TTC29: variants seen among roughly 807,000 people sequenced by gnomAD.
The protein encoded by TTC29 is tetratricopeptide repeat protein 29.
Under a neutral mutation model 58.1 loss-of-function variants are expected in TTC29, and 49 were observed. The observed-to-expected ratio is 0.84, with a 90% confidence interval of 0.67 to 1.07. TTC29 has a LOEUF of 1.07. Among genes scored for constraint, TTC29 ranks in the 50% least tolerant of loss-of-function variants. The pLI is 0.00. For synonymous variants in TTC29, 209 were observed against 196.8 expected, an observed-to-expected ratio of 1.06 and a Z score of -0.52; for missense variants, 582 against 555.6, an observed-to-expected ratio of 1.05 and a Z score of -0.48.
At chr4:146,890,089 A>G (rs1322309789) in intron 6 of TTC29, among the ~76,000 whole-genome samples, 3 of 152,206 alleles carry the variant, frequency 2.0e-5, no homozygotes, top group Non-Finnish European at 4.4e-5. Flanking sequence ...ATTGAATATT[A>G]TATTAGTTTC....
At chr4:146,929,594 G>C (rs1735170105) in intron 4 of TTC29, among the ~76,000 whole-genome samples, 1 of 152,142 alleles carries the variant, frequency 6.6e-6, no homozygotes, top group African/African-American at 2.4e-5. Context: ...CCTCCTTACA[G>C]TAAAATATGT....
chr4:146,744,235 A>AGT (rs972945504), intron 11 of TTC29, among the ~76,000 whole-genome samples: 1 of 152,066 alleles, frequency 6.6e-6, no homozygotes, highest in African/African-American at 2.4e-5. Flanking sequence ...TAAGAGAGAG[A>AGT]GAGAGGGAGA....
intron 8 of TTC29, among the ~76,000 whole-genome samples, chr4:146,854,398 G>A (rs1729706324): frequency 6.6e-6 from 1 of 152,152 alleles, no homozygotes; most frequent in Non-Finnish European, 1.5e-5. Flanking sequence ...CATTTGGGTT[G>A]CAATCAAAAA....
chr4:146,707,318 G>A, intron 12 of TTC29, 130 bp from the exon 13 acceptor site: 1 of 787,334 alleles, frequency 1.3e-6, no homozygotes, highest in Non-Finnish European at 2.0e-6. Flanking sequence ...TTAACCTTAT[G>A]TGACATTTGA....
chr4:146,800,925 A>G (rs1750171274), intron 11 of TTC29, among the ~76,000 whole-genome samples: 1 of 152,230 alleles, frequency 6.6e-6, no homozygotes, highest in Admixed American at 6.5e-5. Context: ...AGAGAAATGA[A>G]TGACATTCAA....
intron 11 of TTC29, among the ~76,000 whole-genome samples, chr4:146,716,870 C>T (rs561284500): frequency 2.6e-5 from 4 of 152,256 alleles, no homozygotes; most frequent in Non-Finnish European, 5.9e-5. Context: ...AAAACAATGA[C>T]AGTGAGAAAT....
At chr4:146,820,669 T>A (rs1353388739) in intron 9 of TTC29, among the ~76,000 whole-genome samples, 1 of 152,212 alleles carries the variant, frequency 6.6e-6, no homozygotes, top group African/African-American at 2.4e-5. Flanking sequence ...AATTGAAATG[T>A]ATATCAACTG....
In TTC29 at chr4:146,756,235, C is replaced by A. The variant is rs1270953528; in HGVS notation, c.1330+47222G>T. On this transcript the variant is annotated intron_variant, in intron 11 of 12. Transcript: ENST00000325106. Reference sequence around the variant, plus strand: ...TTGCAGTGAGCAGATTGTACCACTGCACTCCAGTCTGGGTGACAGAGCAAG... The same window carrying A: ...TTGCAGTGAGCAGATTGTACCACTGAACTCCAGTCTGGGTGACAGAGCAAG... Among the ~76,000 whole-genome samples, 3 of 146,454 alleles carry A rather than the reference C, an allele frequency of 2.0e-5. No homozygotes were observed. In the East Asian group the frequency reaches 6.1e-4, roughly 30 times the overall value.
chr4:146,849,725 C>T (rs1295083974), intron 8 of TTC29, among the ~76,000 whole-genome samples: 3 of 152,018 alleles, frequency 2.0e-5, no homozygotes, highest in African/African-American at 4.8e-5. Context: ...TATGATCCTA[C>T]TCCTTATCTC....
At chr4:146,753,484 T>G (rs938081167) in intron 11 of TTC29, among the ~76,000 whole-genome samples, 10 of 152,080 alleles carry the variant, frequency 6.6e-5, no homozygotes, top group African/African-American at 1.4e-4. Flanking sequence ...CATTGTGGAA[T>G]TCGGTGTGGC....
chr4:146,800,839 C>G (rs1337175452), intron 11 of TTC29, among the ~76,000 whole-genome samples: 1 of 152,032 alleles, frequency 6.6e-6, no homozygotes, highest in Non-Finnish European at 1.5e-5. Context: ...AGACTTTTAC[C>G]CTTAATCAGG....
chr4:146,883,326 G>T (rs890469501), intron 6 of TTC29, among the ~76,000 whole-genome samples: 4 of 151,982 alleles, frequency 2.6e-5, no homozygotes, highest in Non-Finnish European at 4.4e-5. Context: ...ACAATTGTTA[G>T]CACCTTGCTC....
intron 11 of TTC29, among the ~76,000 whole-genome samples, chr4:146,747,145 C>T (rs1282104857): frequency 1.3e-5 from 2 of 152,132 alleles, no homozygotes; most frequent in Non-Finnish European, 2.9e-5. Flanking sequence ...GAGACTCATG[C>T]AGTCCTCAAG....
At chr4:146,793,961 C>T (rs1749653533) in intron 11 of TTC29, among the ~76,000 whole-genome samples, 1 of 152,158 alleles carries the variant, frequency 6.6e-6, no homozygotes, top group Non-Finnish European at 1.5e-5. Context: ...GCATGGTCAT[C>T]TATTTAAGCA....
intron 9 of TTC29, among the ~76,000 whole-genome samples, chr4:146,826,094 AT>A (rs918974895): frequency 2.0e-5 from 3 of 152,026 alleles, no homozygotes; most frequent in African/African-American, 4.8e-5. Context: ...TAATTGGGGC[AT>A]TTGGCCCACT....
chr4:146,786,849 A>C (rs1477611827), intron 11 of TTC29, among the ~76,000 whole-genome samples: 1 of 152,120 alleles, frequency 6.6e-6, no homozygotes, highest in Non-Finnish European at 1.5e-5. Flanking sequence ...ATGGTGGCTC[A>C]TGGCTGTAAT....
chr4:146,869,068 G>A (rs781135887), intron 7 of TTC29, among the ~76,000 whole-genome samples: 1 of 141,274 alleles, frequency 7.1e-6, no homozygotes, highest in Non-Finnish European at 1.5e-5. Flanking sequence ...CTGGCACCAT[G>A]CTTCTTGTAC....
chr4:146,796,754 T>G (rs564879144), intron 11 of TTC29, among the ~76,000 whole-genome samples: 7 of 152,280 alleles, frequency 4.6e-5, no homozygotes, highest in African/African-American at 1.7e-4. Flanking sequence ...AGAAGTTACT[T>G]TTGCTTTTTC....
Position 146,776,314 on chromosome 4 carries a change from C to A in TTC29, c.1330+27143G>T, listed in dbSNP as rs1159645957. On this transcript the variant is annotated intron_variant, in intron 11 of 12. Transcript: ENST00000325106. ...CATTTCAACCTTTTCAGCCTGGAAC[C>A]ATTGCTGGGGAACTAGTGGTAAGAA... is the stretch of plus-strand genomic sequence containing the variant. Among the ~76,000 whole-genome samples, 3 of 152,246 alleles carry A rather than the reference C, an allele frequency of 2.0e-5. No individual in the cohort carries two copies. The East Asian group carries it at 5.8e-4, about 29-fold the overall frequency.
Sources: gnomAD v4.1 joint callset for allele counts (sites outside exome capture counted in the v4.1 genomes callset) on GRCh38, gnomAD v4.1.1 for gene constraint, MANE v1.5 for transcripts, NCBI Gene and HGNC (gene_info 2026-07-23, HGNC 2026-07-21) for gene names.